The following BOLA1 variants were observed in gnomAD, a reference collection of about 807,000 sequenced individuals.
BOLA1 encodes the protein bolA-like protein 1.
Under a neutral mutation model 6.6 loss-of-function variants are expected in BOLA1, and 6 were observed. The observed-to-expected ratio is 0.92, with a 90% CI of 0.50 to 1.81. The LOEUF is 1.81. Among genes scored for constraint, BOLA1 ranks in the 40% most tolerant of loss-of-function variants. BOLA1 has a pLI of 0.01. For missense variants in BOLA1, 183 were observed against 186.8 expected (o/e 0.98, Z 0.12); for synonymous variants, 87 against 85.6 (o/e 1.02, Z -0.09).
chr1:149,900,468 C>A lies in BOLA1; in HGVS notation c.409C>A (p.Pro137Thr). Residue 137 changes from proline (P) to threonine (T), a missense_variant, in exon 2 of 2, where the codon CCC (proline) becomes ACC (threonine). Pro to Thr is a conservative substitution (Grantham distance 38). Transcript: ENST00000369152. ...LGGNKKTLGT[P>T] ...TGGGAACAAGAAAACTCTAGGAACC[C>A]CCTGAACCCCAAGAGAGGGAGGACC... The A allele has an allele frequency of 6.4e-7, 1 of 1,569,474 alleles. No homozygotes were observed.
chr1:149,900,784 A>G lies in BOLA1; in HGVS notation c.*311A>G. Reference sequence around the variant, plus strand: ...GAAACAATCCTATACATTAAAAGAAATTACACTATGAGGCTGTGTTCTTAA... The same window carrying G: ...GAAACAATCCTATACATTAAAAGAAGTTACACTATGAGGCTGTGTTCTTAA... On this transcript the variant is annotated 3_prime_UTR_variant, in exon 2 of 2. Transcript: ENST00000369152. 1 of 285,342 alleles carries G rather than the reference A, an allele frequency of 3.5e-6. No homozygotes were observed. The allele number at this position is 285,342 out of a possible 1,614,324, so 17.7% of individuals were successfully genotyped here.
At position 149,900,400 on chromosome 1, in the gene BOLA1, GGA is replaced by G. The variant is rs1559781764; in HGVS notation, c.348_349del (p.Asn117LeufsTer6). On this transcript the variant is annotated frameshift_variant, in exon 2 of 2. Coordinates refer to ENST00000369152, the MANE Select transcript of BOLA1 (RefSeq NM_016074.5). LOFTEE classifies it high-confidence loss of function. ...ATCCAGGCACGGACCCCCGCCCAGTGGAGAGAGAACTCTCAGCTGGACACTAG... is the reference window on the plus strand; with the variant it reads ...ATCCAGGCACGGACCCCCGCCCAGTGGAGAGAACTCTCAGCTGGACACTAG... 1.9e-6 allele frequency: 3 copies of G among 1,610,856 alleles called. No individual in the cohort carries two copies. The highest frequency in any genetic ancestry group is 1.7e-5 in the Admixed American group (1 of 59,900).
chr1:149,900,126 A>C lies in BOLA1; in HGVS notation c.67A>C (p.Ser23Arg). 6.2e-7 allele frequency: 1 copy of C among 1,612,862 alleles called. No individual in the cohort carries two copies. Among genetic ancestry groups the C allele is most frequent in the Non-Finnish European group, 8.5e-7 (1 of 1,179,330 alleles). The change falls in exon 2 of 2, where the codon AGC (serine) becomes CGC (arginine). Residue 23 changes from serine (S) to arginine (R), a missense_variant. Transcript: ENST00000369152. ...MAGRVCLCQG[S>R]AGSGAIGPVE... ...TGGCCGCGTTTGTTTGTGCCAGGGC[A>C]GCGCGGGATCCGGGGCCATCGGTCC...
rs781916329 is a variant in BOLA1 at position 149,900,133 on chromosome 1, G to T, written c.74G>T (p.Gly25Val). Residue 25 changes from glycine to valine, a missense_variant, in exon 2 of 2, where the codon GGA becomes GTA. Physicochemically the swap from Gly to Val is moderately radical, Grantham distance 109 (BLOSUM62 -3). Transcript: ENST00000369152. ...GTTTGTTTGTGCCAGGGCAGCGCGG[G>T]ATCCGGGGCCATCGGTCCGGTGGAG... ...GRVCLCQGSA[G>V]SGAIGPVEAA... is the part of the protein sequence containing the mutation. 25 of 1,612,938 alleles carry T rather than the reference G, an allele frequency of 1.5e-5. No individual in the cohort carries two copies. In the African/African-American group the frequency reaches 2.8e-4, roughly 18 times the overall value.
At position 149,900,792 on chromosome 1, in the gene BOLA1, A is replaced by G. The variant is rs897159519; in HGVS notation, c.*319A>G. ...CCTATACATTAAAAGAAATTACACT[A>G]TGAGGCTGTGTTCTTAATGGACTGC... is the stretch of plus-strand genomic sequence containing the variant. On this transcript the variant is annotated 3_prime_UTR_variant, in exon 2 of 2. Transcript: ENST00000369152. 10 of 251,620 alleles carry G rather than the reference A, an allele frequency of 4.0e-5. No homozygotes were observed. The highest frequency in any genetic ancestry group is 6.8e-5 in the Non-Finnish European group (9 of 131,930). The allele number at this position is 251,620 out of a possible 1,614,324, so 15.6% of individuals were successfully genotyped here. A position where few individuals can be genotyped will look rare whatever the true frequency, so the allele number is the denominator to read the frequency against.
rs375163515 is a variant in BOLA1, at chr1:149,900,293, G to A, written c.234G>A (p.Glu78=). Residue 78 remains glutamate, a synonymous_variant, in exon 2 of 2, where the codon GAG becomes GAA. Transcript: ENST00000369152. ...FRVAVVSSRF[E]GLSPLQRHRL... ...TGGCTGTGGTGAGCTCTCGTTTCGA[G>A]GGACTGAGCCCCCTACAACGACACC... 11 of 1,613,664 alleles carry A rather than the reference G, an allele frequency of 6.8e-6. No individual in the cohort carries two copies. In the African/African-American group the frequency reaches 1.5e-4, roughly 21 times the overall value.
intron 1 of BOLA1, 149 bp from the exon 2 acceptor site, chr1:149,899,861 A>C: frequency 1.8e-6 from 1 of 566,604 alleles, no homozygotes; most frequent in African/African-American, 1.9e-5. Flanking sequence ...CGAATTCACC[A>C]CGTCACGTAG....
Position 149,900,134 on chromosome 1 carries a change from A to C in BOLA1, c.75A>C (p.Gly25=), listed in dbSNP as rs1309735134. 7.4e-6 allele frequency: 12 copies of C among 1,612,968 alleles called. No homozygotes were observed. The East Asian group carries it at 2.7e-4, about 36-fold the overall frequency. Residue 25 remains glycine (G), a synonymous_variant, in exon 2 of 2, where the codon GGA becomes GGC. Coordinates refer to ENST00000369152, the MANE Select transcript of BOLA1 (RefSeq NM_016074.5). ...GRVCLCQGSA[G]SGAIGPVEAA... ...TTTGTTTGTGCCAGGGCAGCGCGGG[A>C]TCCGGGGCCATCGGTCCGGTGGAGG...
In BOLA1 at chr1:149,900,001, T is replaced by A; in HGVS notation, c.-50-9T>A. The A allele has an allele frequency of 6.6e-7, 1 of 1,517,580 alleles. No homozygotes were observed. Among genetic ancestry groups the A allele is most frequent in the Non-Finnish European group, 8.8e-7 (1 of 1,133,526 alleles). 94.0% of individuals were successfully genotyped at this position (1,517,580 alleles called of 1,614,324 possible). Reference sequence around the variant, plus strand: ...CGCGGGGCGGGTGTTGACATTGTGCTCTCACCAGGCGGATCGCCCCGACCC... The same window carrying A: ...CGCGGGGCGGGTGTTGACATTGTGCACTCACCAGGCGGATCGCCCCGACCC... On this transcript the variant is annotated splice_polypyrimidine_tract_variant and intron_variant, in intron 1 of 1. Transcript: ENST00000369152.
Position 149,900,276 on chromosome 1 carries a change from G to T in BOLA1, c.217G>T (p.Val73Leu). Residue 73 changes from valine (V) to leucine (L), a missense_variant, in exon 2 of 2, where the codon GTG becomes TTG. Val to Leu is a conservative substitution (Grantham distance 32, BLOSUM62 1). Coordinates refer to ENST00000369152, the MANE Select transcript of BOLA1 (RefSeq NM_016074.5). ...TGAGACTCACTTCCGCGTGGCTGTG[G>T]TGAGCTCTCGTTTCGAGGGACTGAG... The part of the protein sequence containing the change: ...GSETHFRVAV[V>L]SSRFEGLSPL... 6.2e-7 allele frequency: 1 copy of T among 1,613,532 alleles called. No individual in the cohort carries two copies. The highest frequency in any genetic ancestry group is 8.5e-7 in the Non-Finnish European group (1 of 1,179,720).
Position 149,900,338 on chromosome 1 carries a change from G to T in BOLA1, c.279G>T (p.Leu93=). ...GACACCGGCTGGTCCACGCAGCGCT[G>T]GCCGAGGAGCTGGGAGGTCCGGTCC... ...LQRHRLVHAA[L]AEELGGPVHA... is the part of the protein sequence containing the mutation. The change falls in exon 2 of 2, where the codon CTG becomes CTT. Residue 93 remains leucine (L), a synonymous_variant. Coordinates refer to ENST00000369152, the MANE Select transcript of BOLA1 (RefSeq NM_016074.5). 6.2e-7 allele frequency: 1 copy of T among 1,613,346 alleles called. No individual in the cohort carries two copies. Among genetic ancestry groups the T allele is most frequent in the Non-Finnish European group, 8.5e-7 (1 of 1,179,962 alleles).
At chr1:149,899,809 TTTCTAA>T (rs1553761570) in intron 1 of BOLA1, 137 bp downstream of exon 1, 3 of 485,396 alleles carry the variant, frequency 6.2e-6, no homozygotes, top group African/African-American at 3.9e-5. Flanking sequence ...CGTGCGGGCC[TTTCTAA>T]TCTTCGCTTG....
rs781848351 is a variant in BOLA1 at position 149,900,241 on chromosome 1, C to T, written c.182C>T (p.Pro61Leu). The T allele has an allele frequency of 4.3e-6, 7 of 1,613,004 alleles. 1 individual carries two copies. Among genetic ancestry groups the T allele is most frequent in the East Asian group, 4.5e-5 (2 of 44,846 alleles). ...AACGAGAGCGGTGGCCACGCGGTCCCGCCTGGCAGTGAGACTCACTTCCGC... is the reference window on the plus strand; with the variant it reads ...AACGAGAGCGGTGGCCACGCGGTCCTGCCTGGCAGTGAGACTCACTTCCGC... ...LRNESGGHAVPPGSETHFRVA... is the reference protein window; with the variant it reads ...LRNESGGHAVLPGSETHFRVA... The change falls in exon 2 of 2, where the codon CCG becomes CTG. Residue 61 changes from proline to leucine, a missense_variant. Pro to Leu is a moderately conservative substitution (Grantham distance 98). Coordinates refer to ENST00000369152, the MANE Select transcript of BOLA1 (RefSeq NM_016074.5).
In BOLA1 at chr1:149,900,197, C is replaced by T; in HGVS notation, c.138C>T (p.Pro46=). 1 of 1,613,812 alleles carries T rather than the reference C, an allele frequency of 6.2e-7. No homozygotes were observed. The highest frequency in any genetic ancestry group is 8.5e-7 in the Non-Finnish European group (1 of 1,179,826). ...CGAAGTTGGAGGAGGCCCTGAGCCC[C>T]GAGGTGCTAGAGCTTCGCAACGAGA... is the stretch of plus-strand genomic sequence containing the variant. The part of the protein sequence containing the change: ...IRTKLEEALS[P]EVLELRNESG... The change falls in exon 2 of 2, where the codon CCC becomes CCT. Residue 46 remains proline (P), a synonymous_variant. Coordinates refer to ENST00000369152, the MANE Select transcript of BOLA1 (RefSeq NM_016074.5).
In BOLA1 at chr1:149,900,669, A is replaced by C. The variant is rs931812461; in HGVS notation, c.*196A>C. Reference sequence around the variant, plus strand: ...ACCCGAGAAAAGAGAAGAATCACTCACTACTGCTCTTGCCCTGGACTATTC... The same window carrying C: ...ACCCGAGAAAAGAGAAGAATCACTCCCTACTGCTCTTGCCCTGGACTATTC... On this transcript the variant is annotated 3_prime_UTR_variant, in exon 2 of 2. Coordinates refer to ENST00000369152, the MANE Select transcript of BOLA1 (RefSeq NM_016074.5). 1.7e-6 allele frequency: 1 copy of C among 586,526 alleles called. No individual in the cohort carries two copies. Among genetic ancestry groups the C allele is most frequent in the Non-Finnish European group, 2.9e-6 (1 of 339,536 alleles). 36.3% of individuals were successfully genotyped at this position (586,526 alleles called of 1,614,324 possible). A position where few individuals can be genotyped will look rare whatever the true frequency, so the allele number is the denominator to read the frequency against.
At chr1:149,899,891 G>C in intron 1 of BOLA1, 119 bp from the exon 2 acceptor site, 1 of 689,876 alleles carries the variant, frequency 1.4e-6, no homozygotes, top group East Asian at 3.0e-5. Flanking sequence ...GCGGTGTCTC[G>C]GGTCTCCCCG....
chr1:149,900,229 GC>G lies in BOLA1; in HGVS notation c.172del (p.His58ThrfsTer16). ...EVLELRNESG[G>X]HAVPPGSETH... ...CTAGAGCTTCGCAACGAGAGCGGTGGCCACGCGGTCCCGCCTGGCAGTGAGA... is the reference window on the plus strand; with the variant it reads ...CTAGAGCTTCGCAACGAGAGCGGTGGCACGCGGTCCCGCCTGGCAGTGAGA... On this transcript the variant is annotated frameshift_variant, in exon 2 of 2. Coordinates refer to ENST00000369152, the MANE Select transcript of BOLA1 (RefSeq NM_016074.5). LOFTEE classifies it high-confidence loss of function. 6.2e-7 allele frequency: 1 copy of G among 1,613,246 alleles called. No individual in the cohort carries two copies.
At position 149,900,366 on chromosome 1, in the gene BOLA1, G is replaced by C; in HGVS notation, c.307G>C (p.Ala103Pro). ...CGAGGAGCTGGGAGGTCCGGTCCAT[G>C]CGCTGGCCATCCAGGCACGGACCCC... ...LAEELGGPVH[A>P]LAIQARTPAQ... The change falls in exon 2 of 2, where the codon GCG becomes CCG. Residue 103 changes from alanine (A) to proline (P), a missense_variant. By Grantham distance (27) the Ala-to-Pro change is conservative. Coordinates refer to ENST00000369152, the MANE Select transcript of BOLA1 (RefSeq NM_016074.5). The C allele has an allele frequency of 6.2e-7, 1 of 1,613,274 alleles. No individual in the cohort carries two copies. The highest frequency in any genetic ancestry group is 8.5e-7 in the Non-Finnish European group (1 of 1,179,850).
rs782170915 is a variant in BOLA1 at position 149,900,405 on chromosome 1, G to A, written c.346G>A (p.Glu116Lys). 5.6e-6 allele frequency: 9 copies of A among 1,609,900 alleles called. No homozygotes were observed. The East Asian group carries it at 1.8e-4, about 32-fold the overall frequency. The stretch of plus-strand genomic sequence containing the variant: ...GGCACGGACCCCCGCCCAGTGGAGA[G>A]AGAACTCTCAGCTGGACACTAGCCC... The part of the protein sequence containing the change: ...IQARTPAQWR[E>K]NSQLDTSPPC... Residue 116 changes from glutamate (E) to lysine (K), a missense_variant, in exon 2 of 2, where the codon GAG becomes AAG. Physicochemically the swap from Glu to Lys is moderately conservative, Grantham distance 56. Coordinates refer to ENST00000369152, the MANE Select transcript of BOLA1 (RefSeq NM_016074.5).
Sources: gnomAD v4.1 joint callset for allele counts on GRCh38, gnomAD v4.1.1 for gene constraint, MANE v1.5 for transcripts, NCBI Gene and HGNC (gene_info 2026-07-23, HGNC 2026-07-21) for gene names.